The following ZFYVE9 variants were observed in gnomAD, a reference collection of about 807,000 sequenced individuals.
ZFYVE9 encodes zinc finger FYVE-type containing 9, also known as zinc finger FYVE domain-containing protein 9.
In ZFYVE9, 43 loss-of-function variants were observed where a neutral mutation model predicts 126.7. The observed-to-expected ratio is 0.34, with a 90% confidence interval of 0.27 to 0.44. The LOEUF is 0.44. Among genes scored for constraint, ZFYVE9 ranks in the 20% least tolerant of loss-of-function variants. The probability of loss-of-function intolerance (pLI) is 1.00; values close to 1 mark genes in which losing one functional copy is unlikely to be tolerated. For synonymous variants in ZFYVE9, 521 were observed against 597.4 expected (o/e 0.87, Z 1.87); for missense variants, 1,476 against 1,697.0 (o/e 0.87, Z 2.29).
At position 52,296,015 on chromosome 1, in the gene ZFYVE9, GT is replaced by G. The variant is rs1315094747; in HGVS notation, c.3333+41del. On this transcript the variant is annotated intron_variant, in intron 12 of 18. Transcript: ENST00000287727. ...TTTTTTTTCCTTTGTCCTTACTGGAGTTTATATGGGAGAAGGAAGAAAGCAA... is the reference window on the plus strand; with the variant it reads ...TTTTTTTTCCTTTGTCCTTACTGGAGTTATATGGGAGAAGGAAGAAAGCAA... 1.9e-6 allele frequency: 3 copies of G among 1,556,232 alleles called. No individual in the cohort carries two copies. In the African/African-American group the frequency reaches 4.1e-5, roughly 21 times the overall value.
intron 4 of ZFYVE9, among the ~76,000 whole-genome samples, chr1:52,245,574 A>G (rs1312255131): frequency 6.6e-6 from 1 of 152,258 alleles, no homozygotes; most frequent in African/African-American, 2.4e-5. Context: ...AGGCCTAGAA[A>G]GATTAAGTAA....
intron 10 of ZFYVE9, among the ~76,000 whole-genome samples, chr1:52,284,423 A>T (rs996318444): frequency 6.2e-5 from 9 of 145,102 alleles, no homozygotes; most frequent in African/African-American, 1.0e-4. Context: ...TTTAGCATAA[A>T]TTTTTTTTTT....
intron 2 of ZFYVE9, among the ~76,000 whole-genome samples, chr1:52,230,219 T>C (rs1401963985): frequency 1.3e-5 from 2 of 151,964 alleles, no homozygotes; most frequent in Non-Finnish European, 2.9e-5. Context: ...AGGAAAAAAC[T>C]CAGCAAAGCG....
At chr1:52,229,143 C>T (rs1333140161) in intron 2 of ZFYVE9, among the ~76,000 whole-genome samples, 1 of 152,124 alleles carries the variant, frequency 6.6e-6, no homozygotes, top group Non-Finnish European at 1.5e-5. Flanking sequence ...ACTGGGATTA[C>T]AGATGTGAGC....
chr1:52,239,034 T>A lies in ZFYVE9; in HGVS notation c.1617T>A (p.Gly539=), dbSNP rs1645306560. 1.9e-6 allele frequency: 3 copies of A among 1,614,064 alleles called. No individual in the cohort carries two copies. In the African/African-American group the frequency reaches 4.0e-5, roughly 22 times the overall value. The part of the protein sequence containing the change: ...EGSGLLLNST[G]DLMKKNYLHN... ...GTGGACTACTTTTAAACAGCACTGG[T>A]GACCTAATGAAGAAAAATTATTTAC... is the stretch of plus-strand genomic sequence containing the variant. The change falls in exon 4 of 19, where the codon GGT becomes GGA. Residue 539 remains glycine, a synonymous_variant. Coordinates refer to ENST00000287727, the MANE Select transcript of ZFYVE9 (RefSeq NM_004799.4).
intron 2 of ZFYVE9, among the ~76,000 whole-genome samples, chr1:52,221,320 A>G (rs1413478133): frequency 1.3e-5 from 2 of 152,210 alleles, no homozygotes; most frequent in Non-Finnish European, 2.9e-5. Context: ...GGTTTTGCTT[A>G]GATCCAGTCT....
At chr1:52,329,557 C>T (rs1646320967) in intron 13 of ZFYVE9, among the ~76,000 whole-genome samples, 1 of 152,068 alleles carries the variant, frequency 6.6e-6, no homozygotes, top group Admixed American at 6.6e-5. Context: ...AAAAGACAAC[C>T]TATAAAATGG....
At chr1:52,333,895 A>G (rs1646366598) in intron 14 of ZFYVE9, among the ~76,000 whole-genome samples, 1 of 152,114 alleles carries the variant, frequency 6.6e-6, no homozygotes, top group African/African-American at 2.4e-5. Context: ...GTTCAAGACC[A>G]GCCTGACCAA....
At chr1:52,294,051 C>CT (rs1362794684) in intron 11 of ZFYVE9, among the ~76,000 whole-genome samples, 1 of 152,158 alleles carries the variant, frequency 6.6e-6, no homozygotes, top group Non-Finnish European at 1.5e-5. Flanking sequence ...ATACTGGAAG[C>CT]TAGTGGAATG....
rs202136399 is a variant in ZFYVE9 at position 52,177,939 on chromosome 1, G to GTT, written c.-143+35539_-143+35540dup. Among the ~76,000 whole-genome samples the GTT allele has an allele frequency of 3.9e-4, 54 of 138,234 alleles. 3 individuals are homozygous for GTT. Among genetic ancestry groups the GTT allele is most frequent in the Non-Finnish European group, 3.2e-4 (20 of 62,994 alleles). The allele number at this position is 138,234 out of a possible 152,430, so 90.7% of individuals were successfully genotyped here. A position where few individuals can be genotyped will look rare whatever the true frequency, so the allele number is the denominator to read the frequency against. On this transcript the variant is annotated intron_variant, in intron 1 of 18. Coordinates refer to ENST00000287727, the MANE Select transcript of ZFYVE9 (RefSeq NM_004799.4). ...AAGACTTCATATACTATGAAAAGTA[G>GTT]TTTTGTTTTTTTTTTTTTTAGCAGG...
intron 13 of ZFYVE9, among the ~76,000 whole-genome samples, chr1:52,312,981 A>G (rs1168460415): frequency 6.6e-6 from 1 of 152,196 alleles, no homozygotes; most frequent in Non-Finnish European, 1.5e-5. Context: ...TGGTGTCCTT[A>G]TAAGAAGGGG....
intron 2 of ZFYVE9, among the ~76,000 whole-genome samples, chr1:52,222,293 T>C (rs1645130662): frequency 6.6e-6 from 1 of 152,188 alleles, no homozygotes; most frequent in South Asian, 2.1e-4. Flanking sequence ...TGTGAACCCT[T>C]GGGGCAAGAC....
At chr1:52,201,871 C>T (rs1156325982) in intron 1 of ZFYVE9, among the ~76,000 whole-genome samples, 3 of 151,886 alleles carry the variant, frequency 2.0e-5, no homozygotes, top group Non-Finnish European at 2.9e-5. Context: ...GCAACCTCCG[C>T]CTCCCAGGTT....
rs750216589 is a variant in ZFYVE9 at position 52,263,880 on chromosome 1, T to G, written c.2278+8T>G. 12 of 1,544,206 alleles carry G rather than the reference T, an allele frequency of 7.8e-6. No homozygotes were observed. In the Admixed American group the frequency reaches 2.1e-4, roughly 28 times the overall value. ...ATTCAGTGCTAATGAATGGTAAGTATTAAAACAGGTTGATTTCATAGTTAT... is the reference window on the plus strand; with the variant it reads ...ATTCAGTGCTAATGAATGGTAAGTAGTAAAACAGGTTGATTTCATAGTTAT... On this transcript the variant is annotated splice_region_variant and intron_variant, in intron 5 of 18. Transcript: ENST00000287727.
At chr1:52,299,919 A>G (rs1646016597) in intron 12 of ZFYVE9, among the ~76,000 whole-genome samples, 7 of 152,250 alleles carry the variant, frequency 4.6e-5, no homozygotes, top group Admixed American at 4.6e-4. Flanking sequence ...AACTGCAGGC[A>G]ACTACAAACT....
At chr1:52,176,140 G>A (rs1015438477) in intron 1 of ZFYVE9, among the ~76,000 whole-genome samples, 15 of 152,086 alleles carry the variant, frequency 9.9e-5, no homozygotes. Context: ...TCTACTTTTG[G>A]TCTTTGATGA....
chr1:52,344,640 A>T, intron 17 of ZFYVE9, 128 bp from the exon 18 acceptor site: 1 of 945,808 alleles, frequency 1.1e-6, no homozygotes, highest in Non-Finnish European at 1.6e-6. Flanking sequence ...CAGGGACTTT[A>T]TGGTGTCCTG....
chr1:52,343,016 C>T (rs1646452767), intron 17 of ZFYVE9, among the ~76,000 whole-genome samples: 1 of 151,918 alleles, frequency 6.6e-6, no homozygotes, highest in South Asian at 2.1e-4. Flanking sequence ...ACGCCATTCT[C>T]CTGCCTCAGC....
intron 16 of ZFYVE9, 80 bp downstream of exon 16, chr1:52,338,014 T>G (rs1646404407): frequency 1.4e-6 from 2 of 1,456,966 alleles, no homozygotes; most frequent in Non-Finnish European, 1.8e-6. Flanking sequence ...TACATTGGTG[T>G]TTTATAGTTT....
Sources: allele counts gnomAD v4.1 joint callset (sites outside exome capture counted in the v4.1 genomes callset), GRCh38; gene constraint gnomAD v4.1.1; transcripts MANE v1.5; gene names NCBI Gene and HGNC (gene_info 2026-07-23, HGNC 2026-07-21).